The following PCDH15 variants were observed in gnomAD, a reference collection of about 807,000 sequenced individuals.
PCDH15 encodes protocadherin-15.
Under a neutral mutation model 178.5 loss-of-function variants are expected in PCDH15, and 129 were observed. That is an observed-to-expected ratio of 0.72 (90% CI 0.63 to 0.84). PCDH15 has a LOEUF of 0.84. PCDH15 is among the 40% of genes least tolerant of loss of function. The probability of loss-of-function intolerance (pLI) is 0.00; values close to 1 mark genes in which losing one functional copy is unlikely to be tolerated. For synonymous variants in PCDH15, 800 were observed against 732.0 expected (o/e 1.09, Z -1.50); for missense variants, 2,230 against 2,099.9 (o/e 1.06, Z -1.21).
intron 20 of PCDH15, among the ~76,000 whole-genome samples, chr10:54,013,510 C>G (rs2092652874): frequency 6.6e-6 from 1 of 152,018 alleles, no homozygotes; most frequent in Non-Finnish European, 1.5e-5. Flanking sequence ...AATTGGACAT[C>G]AAAACAATCT....
intron 18 of PCDH15, among the ~76,000 whole-genome samples, chr10:54,031,833 AG>A (rs2093303544): frequency 6.6e-6 from 1 of 152,078 alleles, no homozygotes; most frequent in African/African-American, 2.4e-5. Context: ...AAAGAAAGAA[AG>A]TAATGTTGTT....
intron 18 of PCDH15, among the ~76,000 whole-genome samples, chr10:54,062,246 A>AAAAAAAAAG (rs2094038412): frequency 7.4e-6 from 1 of 135,054 alleles, no homozygotes; most frequent in Non-Finnish European, 1.5e-5. Flanking sequence ...AAAAAAAAAA[A>AAAAAAAAAG]AAAAAACAAA....
At position 54,453,040 on chromosome 10, in the gene PCDH15, C is replaced by A. The variant is rs1381771788; in HGVS notation, c.158-74098G>T. On this transcript the variant is annotated intron_variant, in intron 3 of 37. Transcript: ENST00000644397. ...ATCACTAGTGTCTCTATAAGGAACACTTTTACACTGTTGGTGCGACTGTAA... is the reference window on the plus strand; with the variant it reads ...ATCACTAGTGTCTCTATAAGGAACAATTTTACACTGTTGGTGCGACTGTAA... Among the ~76,000 whole-genome samples, 3 of 152,042 alleles carry A rather than the reference C, an allele frequency of 2.0e-5. No individual in the cohort carries two copies. In the East Asian group the frequency reaches 5.8e-4, roughly 29 times the overall value.
intron 2 of PCDH15, among the ~76,000 whole-genome samples, chr10:54,576,438 A>T (rs2090489301): frequency 6.6e-6 from 1 of 152,248 alleles, no homozygotes; most frequent in African/African-American, 2.4e-5. Flanking sequence ...ATTTAAAGAC[A>T]ACTTGCTGTA....
In PCDH15 at chr10:54,607,639, C is replaced by T. The variant is rs534183209; in HGVS notation, c.91+56533G>A. ...GTCCTTACGATTAGAATTGCCTTAG[C>T]ATAACGATTCAATCAGTAAGAAAAT... On this transcript the variant is annotated intron_variant, in intron 2 of 37. Transcript: ENST00000644397. Among the ~76,000 whole-genome samples, 7 of 152,052 alleles carry T rather than the reference C, an allele frequency of 4.6e-5. No individual in the cohort carries two copies. The South Asian group carries it at 1.5e-3, about 32-fold the overall frequency.
chr10:54,151,865 G>A lies in PCDH15; in HGVS notation c.1784+1235C>T, dbSNP rs1477489932. On this transcript the variant is annotated intron_variant, in intron 14 of 37. Transcript: ENST00000644397. ...ACAGAAGGAGAGGGAACATTTTGGA[G>A]GGAAAACAGCATTGAGGTAAGTTAG... Among the ~76,000 whole-genome samples the A allele has an allele frequency of 2.0e-5, 3 of 152,228 alleles. No individual in the cohort carries two copies. In the East Asian group the frequency reaches 5.8e-4, roughly 29 times the overall value.
chr10:55,111,602 G>T (rs1837504562), intron 2 of PCDH15, among the ~76,000 whole-genome samples: 1 of 152,090 alleles, frequency 6.6e-6, no homozygotes. Flanking sequence ...CCAGCAGTTT[G>T]GGAGGCCAAG....
chr10:54,607,730 AT>A (rs2092804820), intron 2 of PCDH15: 1 of 275,458 alleles, frequency 3.6e-6, no homozygotes, highest in African/African-American at 2.3e-5. Flanking sequence ...ATTAGAAAAA[AT>A]ATTAGATTGC....
rs142589131 is a variant in PCDH15, at chr10:55,259,109, T to C, written c.-156+60490A>G. 5.7e-3 allele frequency among the ~76,000 whole-genome samples: 863 copies of C among 152,260 alleles called. 10 individuals are homozygous for C. The highest frequency in any genetic ancestry group is 0.02 in the African/African-American group (830 of 41,548). On this transcript the variant is annotated intron_variant, in intron 1 of 5. Coordinates refer to the PCDH15 transcript ENST00000458638. The stretch of plus-strand genomic sequence containing the variant: ...AGCCATTCTTCCTTGGCAAAAATCA[T>C]TGTCTCACTAATCAGCTTTCTGTGT...
intron 2 of PCDH15, among the ~76,000 whole-genome samples, chr10:55,509,977 G>A (rs1840843761): frequency 6.6e-6 from 1 of 151,882 alleles, no homozygotes. Flanking sequence ...TAATAGTGAA[G>A]GCAGGATTAG....
intron 2 of PCDH15, among the ~76,000 whole-genome samples, chr10:55,405,325 A>C (rs1838173913): frequency 1.0e-5 from 1 of 97,130 alleles, no homozygotes; most frequent in South Asian, 3.2e-4. Context: ...TCATGTAATT[A>C]AAGATAATGT....
At chr10:55,107,954 G>A (rs547978418) in intron 2 of PCDH15, among the ~76,000 whole-genome samples, 3 of 152,174 alleles carry the variant, frequency 2.0e-5, no homozygotes, top group East Asian at 1.9e-4. Context: ...GTGATGGTGC[G>A]TTTGGAGATG....
intron 21 of PCDH15, among the ~76,000 whole-genome samples, chr10:53,989,457 T>A (rs562405299): frequency 6.6e-6 from 1 of 152,150 alleles, no homozygotes; most frequent in Non-Finnish European, 1.5e-5. Flanking sequence ...TCACTAAGCC[T>A]TCCCTTTTAT....
intron 14 of PCDH15, among the ~76,000 whole-genome samples, chr10:54,134,516 G>T (rs554762404): frequency 6.6e-6 from 1 of 152,172 alleles, no homozygotes; most frequent in East Asian, 1.9e-4. Context: ...CACTTTGGGA[G>T]GCCGAGGCAG....
intron 34 of PCDH15, among the ~76,000 whole-genome samples, chr10:53,816,534 TAAAC>T (rs2076065744): frequency 6.6e-6 from 1 of 152,190 alleles, no homozygotes; most frequent in African/African-American, 2.4e-5. Flanking sequence ...ATAGCCTTAA[TAAAC>T]AGGAATCTAT....
At chr10:55,518,554 T>C (rs748328809) in intron 2 of PCDH15, among the ~76,000 whole-genome samples, 1 of 151,904 alleles carries the variant, frequency 6.6e-6, no homozygotes, top group East Asian at 2.0e-4. Context: ...GAGAGTCTCT[T>C]GGGTAACTTC....
intron 2 of PCDH15, among the ~76,000 whole-genome samples, chr10:54,983,788 G>A (rs1006984902): frequency 6.6e-6 from 1 of 151,964 alleles, no homozygotes; most frequent in African/African-American, 2.4e-5. Context: ...AATTCCTTGG[G>A]GCTCTGTTTG....
intron 5 of PCDH15, among the ~76,000 whole-genome samples, chr10:54,349,278 A>C (rs954939073): frequency 3.3e-5 from 5 of 152,150 alleles, no homozygotes; most frequent in African/African-American, 1.2e-4. Flanking sequence ...TAGGGAGATA[A>C]AATTGGTCTT....
intron 2 of PCDH15, among the ~76,000 whole-genome samples, chr10:55,489,402 G>A (rs1428644153): frequency 6.6e-6 from 1 of 151,326 alleles, no homozygotes; most frequent in African/African-American, 2.4e-5. Flanking sequence ...GAATAAATAT[G>A]GAATCCTATT....
Sources: allele counts gnomAD v4.1 joint callset (sites outside exome capture counted in the v4.1 genomes callset), GRCh38; gene constraint gnomAD v4.1.1; transcripts MANE v1.5; gene names NCBI Gene and HGNC (gene_info 2026-07-23, HGNC 2026-07-21).